The following STX7 variants were observed in gnomAD, a reference collection of about 807,000 sequenced individuals.
STX7 encodes the protein syntaxin 7, also known as syntaxin-7.
In STX7, 34 loss-of-function variants were observed where a neutral mutation model predicts 39.6. The observed-to-expected ratio is 0.86, with a 90% CI of 0.65 to 1.14. The LOEUF is 1.14. Among genes scored for constraint, STX7 ranks in the 50% most tolerant of loss-of-function variants. The pLI, the probability that STX7 is intolerant of heterozygous loss-of-function variation, is 0.00. For missense variants in STX7, 284 were observed against 310.4 expected, an observed-to-expected ratio of 0.92 and a Z score of 0.64; for synonymous variants, 119 against 99.1, an observed-to-expected ratio of 1.20 and a Z score of -1.19.
chr6:132,470,179 T>C (rs1288002463), intron 6 of STX7, 132 bp from the exon 7 acceptor site: 2 of 575,360 alleles, frequency 3.5e-6, no homozygotes, highest in Admixed American at 4.1e-5. Flanking sequence ...CTCAAAAAAA[T>C]TCTAAGAATA....
intron 8 of STX7, among the ~76,000 whole-genome samples, chr6:132,467,273 A>G (rs1414132351): frequency 6.6e-6 from 1 of 152,000 alleles, no homozygotes; most frequent in East Asian, 1.9e-4. Context: ...AGGCCTTTGT[A>G]CTCGCTGTTC....
rs973081844 is a variant in STX7, at chr6:132,446,386, T to C, written c.*14372A>G. The stretch of plus-strand genomic sequence containing the variant: ...TGAAAAAAGTTTGAAAGAAACCTTT[T>C]ATACAATGTTTTCATTGTCTTGTTC... On this transcript the variant is annotated 3_prime_UTR_variant, in exon 10 of 10. Transcript: ENST00000367941. The C allele has an allele frequency of 1.1e-4, 16 of 152,218 alleles. No individual in the cohort carries two copies. Among genetic ancestry groups the C allele is most frequent in the Admixed American group, 9.8e-4 (15 of 15,280 alleles). The allele number at this position is 152,218 out of a possible 1,614,324, so 9.4% of individuals were successfully genotyped here. A position where few individuals can be genotyped will look rare whatever the true frequency, so the allele number is the denominator to read the frequency against.
At position 132,452,820 on chromosome 6, in the gene STX7, G is replaced by A. The variant is rs1352839582; in HGVS notation, c.*7938C>T. The A allele has an allele frequency of 6.6e-6, 1 of 152,062 alleles. No individual in the cohort carries two copies. The highest frequency in any genetic ancestry group is 1.5e-5 in the Non-Finnish European group (1 of 67,974). 9.4% of individuals were successfully genotyped at this position (152,062 alleles called of 1,614,324 possible). On this transcript the variant is annotated 3_prime_UTR_variant, in exon 10 of 10. Transcript: ENST00000367941. Reference sequence around the variant, plus strand: ...CAAATCTCCCCAAATTGATGTATAGGTATAACATAGTTCCTGTCAAAATCC... The same window carrying A: ...CAAATCTCCCCAAATTGATGTATAGATATAACATAGTTCCTGTCAAAATCC...
intron 8 of STX7, among the ~76,000 whole-genome samples, chr6:132,464,581 T>C (rs1377617577): frequency 2.0e-5 from 3 of 152,222 alleles, no homozygotes; most frequent in Non-Finnish European, 4.4e-5. Context: ...ATGCTAAAAC[T>C]TGATCCCTTA....
rs1774088202 is a variant in STX7 at position 132,449,155 on chromosome 6, T to A, written c.*11603A>T. On this transcript the variant is annotated 3_prime_UTR_variant, in exon 10 of 10. Transcript: ENST00000367941. Reference sequence around the variant, plus strand: ...GGTGTGTGCCACCATGCCTGGCTAATTTTTGTATTTTTTGTACAGATGGAG... The same window carrying A: ...GGTGTGTGCCACCATGCCTGGCTAAATTTTGTATTTTTTGTACAGATGGAG... 1 of 152,590 alleles carries A rather than the reference T, an allele frequency of 6.6e-6. No homozygotes were observed. The highest frequency in any genetic ancestry group is 1.5e-5 in the Non-Finnish European group (1 of 68,626). The allele number at this position is 152,590 out of a possible 1,614,324, so 9.5% of individuals were successfully genotyped here.
rs937981766 is a variant in STX7, at chr6:132,457,957, A to AT, written c.*2800dup. On this transcript the variant is annotated 3_prime_UTR_variant, in exon 10 of 10. Coordinates refer to ENST00000367941, the MANE Select transcript of STX7 (RefSeq NM_003569.3). ...AGTTTTATATTTTATTATGACATTC[A>AT]TTTTTTCTACATGAAGACACAAATA... 4 of 152,166 alleles carry AT rather than the reference A, an allele frequency of 2.6e-5. No individual in the cohort carries two copies. The highest frequency in any genetic ancestry group is 7.2e-5 in the African/African-American group (3 of 41,444). 9.4% of individuals were successfully genotyped at this position (152,166 alleles called of 1,614,324 possible). A position where few individuals can be genotyped will look rare whatever the true frequency, so the allele number is the denominator to read the frequency against.
chr6:132,457,716 G>GATA lies in STX7; in HGVS notation c.*3041_*3042insTAT, dbSNP rs2114334799. 1 of 152,010 alleles carries GATA rather than the reference G, an allele frequency of 6.6e-6. No individual in the cohort carries two copies. Among genetic ancestry groups the GATA allele is most frequent in the East Asian group, 1.9e-4 (1 of 5,174 alleles). The allele number at this position is 152,010 out of a possible 1,614,324, so 9.4% of individuals were successfully genotyped here. On this transcript the variant is annotated 3_prime_UTR_variant, in exon 10 of 10. Transcript: ENST00000367941. ...AAGACAGATGTTATTTACCACCAAT[G>GATA]AATTTTTATCATATTTAAATGAACT...
chr6:132,489,225 AG>A (rs34205480), intron 2 of STX7, among the ~76,000 whole-genome samples: 25,021 of 133,006 alleles, frequency 0.19, 3,029 homozygotes, highest in East Asian at 0.59. Context: ...AAAAAAAAAA[AG>A]GATGATATAT....
At chr6:132,504,287 T>C (rs939879736) in intron 1 of STX7, among the ~76,000 whole-genome samples, 2 of 152,130 alleles carry the variant, frequency 1.3e-5, no homozygotes, top group East Asian at 1.9e-4. Context: ...AAATGTCATA[T>C]AAAATGTTTA....
chr6:132,452,485 A>T lies in STX7; in HGVS notation c.*8273T>A, dbSNP rs1290381859. On this transcript the variant is annotated 3_prime_UTR_variant, in exon 10 of 10. Transcript: ENST00000367941. Reference sequence around the variant, plus strand: ...GACATGACTATCTATATAAAAAAAAAATCCCAAGGAATCAATCAAAATCCC... The same window carrying T: ...GACATGACTATCTATATAAAAAAAATATCCCAAGGAATCAATCAAAATCCC... The T allele has an allele frequency of 6.6e-6, 1 of 152,132 alleles. No homozygotes were observed. Among genetic ancestry groups the T allele is most frequent in the Non-Finnish European group, 1.5e-5 (1 of 67,976 alleles). 9.4% of individuals were successfully genotyped at this position (152,132 alleles called of 1,614,324 possible).
chr6:132,486,749 C>A (rs1276513370), intron 2 of STX7, among the ~76,000 whole-genome samples: 1 of 148,946 alleles, frequency 6.7e-6, no homozygotes, highest in Non-Finnish European at 1.5e-5. Context: ...TTACTGGAAC[C>A]TCCTGCTGCC....
In STX7 at chr6:132,453,317, A is replaced by T. The variant is rs1390315315; in HGVS notation, c.*7441T>A. The T allele has an allele frequency of 6.6e-6, 1 of 152,118 alleles. No homozygotes were observed. Among genetic ancestry groups the T allele is most frequent in the Non-Finnish European group, 1.5e-5 (1 of 67,974 alleles). 9.4% of individuals were successfully genotyped at this position (152,118 alleles called of 1,614,324 possible). On this transcript the variant is annotated 3_prime_UTR_variant, in exon 10 of 10. Coordinates refer to ENST00000367941, the MANE Select transcript of STX7 (RefSeq NM_003569.3). ...ATACTTTTAGAAAACAACATAAAAG[A>T]GAAAATTTGGGGGATCTAAGGAGAG...
At chr6:132,477,641 T>C (rs1774906553) in intron 2 of STX7, among the ~76,000 whole-genome samples, 1 of 152,138 alleles carries the variant, frequency 6.6e-6, no homozygotes, top group Admixed American at 6.6e-5. Context: ...TATAAAATAT[T>C]AGCTAAGCAT....
At chr6:132,503,931 AATT>A (rs1410304355) in intron 1 of STX7, among the ~76,000 whole-genome samples, 1 of 152,220 alleles carries the variant, frequency 6.6e-6, no homozygotes, top group African/African-American at 2.4e-5. Flanking sequence ...AACTCCAAAC[AATT>A]ATAAGGCAGG....
intron 1 of STX7, among the ~76,000 whole-genome samples, chr6:132,505,205 G>A (rs1318688185): frequency 6.6e-6 from 1 of 152,236 alleles, no homozygotes; most frequent in African/African-American, 2.4e-5. Context: ...CACAGGTGGA[G>A]GTGAGATTCA....
intron 2 of STX7, among the ~76,000 whole-genome samples, chr6:132,486,132 T>C (rs962336966): frequency 2.0e-5 from 3 of 152,238 alleles, no homozygotes; most frequent in Non-Finnish European, 4.4e-5. Context: ...ATTTTCTACA[T>C]AGACATTTAT....
chr6:132,497,625 A>G (rs1775449241), intron 2 of STX7, among the ~76,000 whole-genome samples: 1 of 152,182 alleles, frequency 6.6e-6, no homozygotes, highest in Admixed American at 6.5e-5. Flanking sequence ...GCTGCTTTTA[A>G]AAACATGAGT....
At chr6:132,482,176 G>A (rs967589018) in intron 2 of STX7, among the ~76,000 whole-genome samples, 1 of 152,180 alleles carries the variant, frequency 6.6e-6, no homozygotes, top group Non-Finnish European at 1.5e-5. Context: ...TAAATGGAGA[G>A]TTAAGAAAGG....
chr6:132,460,871 A>C (rs1232477470), intron 9 of STX7, 21 bp from the exon 10 acceptor site: 19 of 1,603,268 alleles, frequency 1.2e-5, no homozygotes, highest in Non-Finnish European at 1.5e-5. Context: ...AAAAAACAAA[A>C]CAAAACAAAA....
Sources: allele counts gnomAD v4.1 joint callset (sites outside exome capture counted in the v4.1 genomes callset), GRCh38; gene constraint gnomAD v4.1.1; transcripts MANE v1.5; gene names NCBI Gene and HGNC (gene_info 2026-07-23, HGNC 2026-07-21).